The following SLC25A21 variants were observed in gnomAD, a reference collection of about 807,000 sequenced individuals.
The protein encoded by SLC25A21 is solute carrier family 25 member 21.
In SLC25A21, 47 loss-of-function variants were observed where a neutral mutation model predicts 43.8. The ratio of observed to expected loss-of-function variants is 1.07; its 90% CI spans 0.85 to 1.37. The LOEUF (loss-of-function observed/expected upper bound fraction) is 1.37. Among genes scored for constraint, SLC25A21 ranks in the 40% most tolerant of loss-of-function variants. SLC25A21 has a pLI of 0.00. For missense variants in SLC25A21, 352 were observed against 350.2 expected (o/e 1.00, Z -0.04); for synonymous variants, 131 against 121.3 (o/e 1.08, Z -0.52).
chr14:37,062,708 G>C (rs1233177811), intron 1 of SLC25A21, among the ~76,000 whole-genome samples: 1 of 152,160 alleles, frequency 6.6e-6, no homozygotes, highest in African/African-American at 2.4e-5. Context: ...GGACAGGGGA[G>C]TGACCCTTGG....
At chr14:36,909,805 C>G (rs1891633315) in intron 1 of SLC25A21, among the ~76,000 whole-genome samples, 1 of 152,148 alleles carries the variant, frequency 6.6e-6, no homozygotes, top group Non-Finnish European at 1.5e-5. Context: ...TCCAGTGCCC[C>G]TCCTACATCA....
At chr14:36,962,453 G>C (rs1313127625) in intron 1 of SLC25A21, among the ~76,000 whole-genome samples, 1 of 151,964 alleles carries the variant, frequency 6.6e-6, no homozygotes, top group Non-Finnish European at 1.5e-5. Flanking sequence ...TATATCCTTT[G>C]ATCTACATCT....
chr14:37,049,628 C>T lies in SLC25A21; in HGVS notation c.70+122653G>A, dbSNP rs536897867. On this transcript the variant is annotated intron_variant, in intron 1 of 9. Coordinates refer to ENST00000331299, the MANE Select transcript of SLC25A21 (RefSeq NM_030631.4). ...ATGAAAATAATTATTAAAAGGTACA[C>T]ACTTCAGACTGATGTTGTACAATAG... 3.3e-5 allele frequency among the ~76,000 whole-genome samples: 5 copies of T among 152,242 alleles called. No individual in the cohort carries two copies. In the East Asian group the frequency reaches 9.6e-4, roughly 29 times the overall value.
At chr14:37,018,415 T>A (rs1960909815) in intron 1 of SLC25A21, among the ~76,000 whole-genome samples, 1 of 152,050 alleles carries the variant, frequency 6.6e-6, no homozygotes, top group African/African-American at 2.4e-5. Flanking sequence ...CATTTCACAA[T>A]GCACACATAC....
At chr14:36,978,287 A>C (rs138651847) in intron 1 of SLC25A21, among the ~76,000 whole-genome samples, 4 of 152,378 alleles carry the variant, frequency 2.6e-5, no homozygotes, top group African/African-American at 9.6e-5. Flanking sequence ...TACTACAATA[A>C]GGTGAGTCAC....
chr14:36,817,294 G>A lies in SLC25A21; in HGVS notation c.120-3293C>T, dbSNP rs993918689. On this transcript the variant is annotated intron_variant, in intron 2 of 9. Transcript: ENST00000331299. Reference sequence around the variant, plus strand: ...TGGGTCGTCCAGGTGTTCACGAGGGGAGCAATTACTGCTTTCTGCAGAAGT... The same window carrying A: ...TGGGTCGTCCAGGTGTTCACGAGGGAAGCAATTACTGCTTTCTGCAGAAGT... Among the ~76,000 whole-genome samples the A allele has an allele frequency of 1.3e-4, 20 of 152,264 alleles. No homozygotes were observed. In the Middle Eastern group the frequency reaches 0.01, roughly 78 times the overall value.
chr14:36,948,405 G>C (rs1410112117), intron 1 of SLC25A21, among the ~76,000 whole-genome samples: 1 of 152,138 alleles, frequency 6.6e-6, no homozygotes, highest in Non-Finnish European at 1.5e-5. Context: ...ATCTGTCACA[G>C]ATAGTTTGGC....
rs1884216 is a variant in SLC25A21, at chr14:36,679,967, C to T, written c.*691G>A. On this transcript the variant is annotated 3_prime_UTR_variant, in exon 10 of 10. Transcript: ENST00000331299. ...ACATGCTTAAACAACAGTGTTTTAA[C>T]ATTCTGTTTTAAACAATGTTTTAAA... The T allele has an allele frequency of 2.3e-6, 2 of 872,480 alleles. No homozygotes were observed. Among genetic ancestry groups the T allele is most frequent in the Non-Finnish European group, 2.7e-6 (2 of 728,480 alleles). 54.0% of individuals were successfully genotyped at this position (872,480 alleles called of 1,614,324 possible). A position where few individuals can be genotyped will look rare whatever the true frequency, so the allele number is the denominator to read the frequency against.
chr14:36,898,380 G>C lies in SLC25A21; in HGVS notation c.71-23376C>G, dbSNP rs375070396. The stretch of plus-strand genomic sequence containing the variant: ...GGTGTGCCATTTGCTAAGACCGTTG[G>C]AAAAGCGCAGTATTAGGGTGGGAGT... On this transcript the variant is annotated intron_variant, in intron 1 of 9. Coordinates refer to ENST00000331299, the MANE Select transcript of SLC25A21 (RefSeq NM_030631.4). Among the ~76,000 whole-genome samples, 13 of 152,292 alleles carry C rather than the reference G, an allele frequency of 8.5e-5. No homozygotes were observed. The South Asian group carries it at 2.7e-3, about 32-fold the overall frequency.
chr14:37,036,544 A>T (rs1961331265), intron 1 of SLC25A21, among the ~76,000 whole-genome samples: 1 of 152,190 alleles, frequency 6.6e-6, no homozygotes. Context: ...AGGGAGTTTG[A>T]GACCAGCCTG....
chr14:36,764,567 C>G (rs990910127), intron 3 of SLC25A21, among the ~76,000 whole-genome samples: 3 of 126,580 alleles, frequency 2.4e-5, no homozygotes, highest in African/African-American at 8.8e-5. Context: ...CAAAACAAAA[C>G]AAAACAAAAC....
At chr14:36,696,594 T>C (rs1883034039) in intron 7 of SLC25A21, among the ~76,000 whole-genome samples, 2 of 152,216 alleles carry the variant, frequency 1.3e-5, no homozygotes, top group Non-Finnish European at 2.9e-5. Context: ...GAGCCTATTA[T>C]TGGTCTATTC....
intron 1 of SLC25A21, among the ~76,000 whole-genome samples, chr14:36,884,840 T>C (rs1426956106): frequency 1.3e-5 from 2 of 152,158 alleles, no homozygotes; most frequent in Non-Finnish European, 2.9e-5. Context: ...TTCTTCCTAT[T>C]ATTTGAGTTC....
intron 1 of SLC25A21, among the ~76,000 whole-genome samples, chr14:37,119,687 AT>A (rs1319012259): frequency 1.3e-5 from 2 of 152,184 alleles, no homozygotes; most frequent in Non-Finnish European, 2.9e-5. Context: ...CTTTCACTTT[AT>A]TCTATATTCT....
intron 1 of SLC25A21, among the ~76,000 whole-genome samples, chr14:36,999,787 G>A (rs1260072795): frequency 9.2e-5 from 14 of 152,086 alleles, no homozygotes. Flanking sequence ...AAAAGTTGGG[G>A]ACCAAATAGA....
chr14:36,715,767 T>C (rs900478661), intron 6 of SLC25A21, among the ~76,000 whole-genome samples: 4 of 152,244 alleles, frequency 2.6e-5, no homozygotes, highest in Admixed American at 2.6e-4. Context: ...ATCAAATATC[T>C]GCTTAAAAAG....
At chr14:37,039,819 G>A (rs531236118) in intron 1 of SLC25A21, among the ~76,000 whole-genome samples, 15 of 152,254 alleles carry the variant, frequency 9.9e-5, no homozygotes, top group East Asian at 3.9e-4. Context: ...AGATAATCAC[G>A]GAGGTTTGGG....
At chr14:36,947,398 G>A (rs927253568) in intron 1 of SLC25A21, among the ~76,000 whole-genome samples, 3 of 152,138 alleles carry the variant, frequency 2.0e-5, no homozygotes, top group African/African-American at 7.2e-5. Flanking sequence ...TAATAATGTG[G>A]GATGTGTACA....
chr14:37,094,256 C>T (rs1366820426), intron 1 of SLC25A21, among the ~76,000 whole-genome samples: 3 of 152,048 alleles, frequency 2.0e-5, no homozygotes, highest in Non-Finnish European at 2.9e-5. Flanking sequence ...GATCAATCTC[C>T]GCTCACCAGA....
Sources: allele counts gnomAD v4.1 joint callset (sites outside exome capture counted in the v4.1 genomes callset), GRCh38; gene constraint gnomAD v4.1.1; transcripts MANE v1.5; gene names NCBI Gene and HGNC (gene_info 2026-07-23, HGNC 2026-07-21).